Variants in VEPH1 observed in about 807,000 individuals in gnomAD.
The protein encoded by VEPH1 is ventricular zone-expressed PH domain-containing protein homolog 1.
Under a neutral mutation model 85.2 loss-of-function variants are expected in VEPH1, and 80 were observed. The observed-to-expected ratio is 0.94, with a 90% CI of 0.78 to 1.13. The LOEUF (loss-of-function observed/expected upper bound fraction) is 1.13, where lower values mean the gene tolerates loss of function less well. VEPH1 is among the 50% of genes most tolerant of loss of function. The pLI is 0.00. For missense variants in VEPH1, 955 were observed against 980.5 expected (o/e 0.97, Z 0.35); for synonymous variants, 297 against 348.0 (o/e 0.85, Z 1.63).
chr3:157,341,737 G>C (rs1469527004), intron 9 of VEPH1, among the ~76,000 whole-genome samples: 1 of 152,070 alleles, frequency 6.6e-6, no homozygotes, highest in Admixed American at 6.6e-5. Flanking sequence ...ATTCACCAAA[G>C]TTGAAATGAA....
chr3:157,456,804 G>A (rs1003380651), intron 4 of VEPH1, among the ~76,000 whole-genome samples: 1 of 152,094 alleles, frequency 6.6e-6, no homozygotes, highest in African/African-American at 2.4e-5. Context: ...AAGTAATACA[G>A]TGTGATGCCT....
At chr3:157,280,402 TG>T (rs1200564799) in intron 12 of VEPH1, among the ~76,000 whole-genome samples, 16 of 152,268 alleles carry the variant, frequency 1.1e-4, no homozygotes, top group African/African-American at 3.1e-4. Context: ...TGCAAGTATA[TG>T]GCCTATCTGA....
In VEPH1 at chr3:157,459,184, C is replaced by T. The variant is rs541103412; in HGVS notation, c.529+997G>A. On this transcript the variant is annotated intron_variant, in intron 4 of 13. Coordinates refer to ENST00000362010, the MANE Select transcript of VEPH1 (RefSeq NM_001167912.2). ...GACTGCCATCACTGGCAGGGCAGCA[C>T]GGAGTTCCCAGGAGTGGAGTCCATT... Among the ~76,000 whole-genome samples the T allele has an allele frequency of 1.4e-4, 21 of 152,308 alleles. No individual in the cohort carries two copies. The East Asian group carries it at 1.7e-3, about 13-fold the overall frequency.
At chr3:157,380,109 T>A (rs1381112279) in intron 7 of VEPH1, among the ~76,000 whole-genome samples, 18 of 152,224 alleles carry the variant, frequency 1.2e-4, no homozygotes, top group Non-Finnish European at 4.4e-5. Flanking sequence ...AAGGCCAGTT[T>A]GTGCATTGTG....
rs113840397 is a variant in VEPH1, at chr3:157,363,620, C to T, written c.1479G>A (p.Pro493=). 196 of 1,614,090 alleles carry T rather than the reference C, an allele frequency of 1.2e-4. No homozygotes were observed. Among genetic ancestry groups the T allele is most frequent in the African/African-American group, 7.6e-4 (57 of 75,014 alleles). ...GTGATCTCTCAGTGTCTGTCTTAAA[C>T]GGCAGCTTGTCATTTCCTTGGCCAA... ...DPLGQGNDKL[P]FKTDTERSQL... is the part of the protein sequence containing the mutation. Residue 493 remains proline (P), a synonymous_variant, in exon 9 of 14, where the codon CCG becomes CCA. Transcript: ENST00000362010.
At chr3:157,275,833 C>T (rs1038048981) in intron 12 of VEPH1, among the ~76,000 whole-genome samples, 2 of 151,162 alleles carry the variant, frequency 1.3e-5, no homozygotes, top group African/African-American at 4.9e-5. Flanking sequence ...CTTCAATCTC[C>T]TTCCATGGTT....
chr3:157,355,837 C>T (rs1407444678), intron 9 of VEPH1, among the ~76,000 whole-genome samples: 1 of 151,304 alleles, frequency 6.6e-6, no homozygotes, highest in Non-Finnish European at 1.5e-5. Flanking sequence ...TGGATATTTT[C>T]ATCTGAAAAA....
chr3:157,422,881 TA>T (rs1242768527), intron 5 of VEPH1, among the ~76,000 whole-genome samples: 1 of 152,118 alleles, frequency 6.6e-6, no homozygotes, highest in Non-Finnish European at 1.5e-5. Context: ...CAATCCACAA[TA>T]AATGACTGAC....
At chr3:157,428,282 C>T in intron 5 of VEPH1, 40 bp downstream of exon 5, 1 of 1,604,324 alleles carries the variant, frequency 6.2e-7, no homozygotes, top group African/African-American at 1.3e-5. Context: ...AGAAACATGC[C>T]TGGTTGTGTG....
intron 2 of VEPH1, among the ~76,000 whole-genome samples, chr3:157,484,551 G>A (rs1173346864): frequency 6.6e-6 from 1 of 152,108 alleles, no homozygotes; most frequent in African/African-American, 2.4e-5. Context: ...AAAAGAAACA[G>A]GGAAATATTA....
chr3:157,386,708 C>T (rs1729343073), intron 6 of VEPH1, among the ~76,000 whole-genome samples: 1 of 152,176 alleles, frequency 6.6e-6, no homozygotes, highest in South Asian at 2.1e-4. Context: ...GAAACACTGA[C>T]TTAGGAGAAA....
At chr3:157,383,084 C>T (rs987366438) in intron 6 of VEPH1, among the ~76,000 whole-genome samples, 1 of 152,198 alleles carries the variant, frequency 6.6e-6, no homozygotes, top group African/African-American at 2.4e-5. Flanking sequence ...CTGCCTCAGC[C>T]TCCCAAAATG....
chr3:157,425,572 G>A (rs1001581098), intron 5 of VEPH1, among the ~76,000 whole-genome samples: 1 of 152,170 alleles, frequency 6.6e-6, no homozygotes, highest in Non-Finnish European at 1.5e-5. Flanking sequence ...GGGACCTGTA[G>A]CCCCTGGATT....
chr3:157,450,316 C>G (rs1490912212), intron 4 of VEPH1, among the ~76,000 whole-genome samples: 1 of 151,922 alleles, frequency 6.6e-6, no homozygotes, highest in African/African-American at 2.4e-5. Flanking sequence ...CTTGGCCTCC[C>G]AAAGTTCTGG....
At chr3:157,285,918 A>C (rs371818659) in intron 12 of VEPH1, among the ~76,000 whole-genome samples, 7 of 151,336 alleles carry the variant, frequency 4.6e-5, no homozygotes, top group African/African-American at 1.5e-4. Context: ...AGATAATGTC[A>C]GTATTTTCCT....
At chr3:157,289,166 C>A (rs1044981227) in intron 11 of VEPH1, among the ~76,000 whole-genome samples, 3 of 152,174 alleles carry the variant, frequency 2.0e-5, no homozygotes, top group Non-Finnish European at 4.4e-5. Context: ...TTGGCCATTG[C>A]CATGCACATT....
At chr3:157,424,025 T>C (rs1226455286) in intron 5 of VEPH1, among the ~76,000 whole-genome samples, 2 of 152,180 alleles carry the variant, frequency 1.3e-5, no homozygotes, top group Non-Finnish European at 1.5e-5. Flanking sequence ...GTTGATATGG[T>C]TTGGCTCTGT....
chr3:157,375,191 G>C (rs1207941324), intron 7 of VEPH1, among the ~76,000 whole-genome samples: 5 of 152,248 alleles, frequency 3.3e-5, no homozygotes, highest in African/African-American at 1.2e-4. Context: ...GAGCTACCAT[G>C]TGGTAAGAGC....
At chr3:157,302,516 C>T (rs1718919269) in intron 11 of VEPH1, among the ~76,000 whole-genome samples, 1 of 152,174 alleles carries the variant, frequency 6.6e-6, no homozygotes, top group Non-Finnish European at 1.5e-5. Flanking sequence ...ATCACTTGTC[C>T]CTTCAACCAC....
Sources: allele counts gnomAD v4.1 joint callset (sites outside exome capture counted in the v4.1 genomes callset), GRCh38; gene constraint gnomAD v4.1.1; transcripts MANE v1.5; gene names NCBI Gene and HGNC (gene_info 2026-07-23, HGNC 2026-07-21).